KRI1: variants seen among roughly 807,000 people sequenced by gnomAD.
The protein encoded by KRI1 is KRI1 homolog.
A neutral mutation model predicts 97.0 loss-of-function variants in KRI1; 83 were observed. The ratio of observed to expected loss-of-function variants is 0.86; its 90% CI spans 0.72 to 1.03. The LOEUF is 1.03. KRI1 is among the 50% of genes least tolerant of loss of function. KRI1 has a pLI of 0.00. For missense variants in KRI1, 916 were observed against 928.4 expected (o/e 0.99, Z 0.17); for synonymous variants, 371 against 363.5 (o/e 1.02, Z -0.23).
At position 10,557,983 on chromosome 19, in the gene KRI1, G is replaced by A. The variant is rs1304964943; in HGVS notation, c.1348C>T (p.Pro450Ser). The A allele has an allele frequency of 1.2e-6, 2 of 1,613,936 alleles. No homozygotes were observed. Among genetic ancestry groups the A allele is most frequent in the African/African-American group, 1.3e-5 (1 of 74,906 alleles). ...WSQQELHCED[P>S]NFNMDADYDP... is the part of the protein sequence containing the mutation. ...CCCGTGATACCTACGTTGAAGTTGGGGTCCTCACAGTGCAGCTCCTGCTGG... is the reference window on the plus strand; with the variant it reads ...CCCGTGATACCTACGTTGAAGTTGGAGTCCTCACAGTGCAGCTCCTGCTGG... Residue 450 changes from proline to serine, a missense_variant, in exon 14 of 19, where the codon CCC becomes TCC. Around this residue, in one of 3 missense-constraint regions of KRI1, gnomAD observed 672 missense variants for 667.2 expected, o/e 1.01. Transcript: ENST00000312962.
chr19:10,559,325 T>C (rs1916615961), intron 12 of KRI1, 34 bp downstream of exon 12: 1 of 1,600,444 alleles, frequency 6.2e-7, no homozygotes, highest in Non-Finnish European at 8.5e-7. Context: ...TTGTGTGAAC[T>C]CAGCGTCATG....
At chr19:10,563,906 G>A (rs970220732) in intron 3 of KRI1, among the ~76,000 whole-genome samples, 6 of 152,026 alleles carry the variant, frequency 3.9e-5, no homozygotes, top group Non-Finnish European at 8.8e-5. Context: ...CACTTTGGGA[G>A]GCCAAGGCGG....
chr19:10,561,081 C>G lies in KRI1; in HGVS notation c.586-1G>C, dbSNP rs1916682675. The G allele has an allele frequency of 1.2e-6, 2 of 1,614,160 alleles. No homozygotes were observed. The highest frequency in any genetic ancestry group is 1.7e-5 in the Admixed American group (1 of 60,012). ...CGATGTAGTCGGCCTCCTCCTGGGC[C>G]TGGGGGAAAGCTAGCACTGAGCATC... On this transcript the variant is annotated splice_acceptor_variant, in intron 7 of 18. Transcript: ENST00000312962. LOFTEE classifies it high-confidence loss of function.
chr19:10,557,875 G>A lies in KRI1; in HGVS notation c.1380C>T (p.Pro460=), dbSNP rs201890509. 1.2e-6 allele frequency: 2 copies of A among 1,613,570 alleles called. No individual in the cohort carries two copies. Among genetic ancestry groups the A allele is most frequent in the East Asian group, 2.2e-5 (1 of 44,866 alleles). Residue 460 remains proline, a synonymous_variant, in exon 15 of 19, where the codon CCC becomes CCT. Coordinates refer to ENST00000312962, the MANE Select transcript of KRI1 (RefSeq NM_023008.5). ...CGCGCTTTTTCTTCCTCGGCTGGCT[G>A]GGGTCGTAGTCGGCGTCCATCTGCC... is the stretch of plus-strand genomic sequence containing the variant. The part of the protein sequence containing the change: ...PNFNMDADYD[P]SQPRKKKREA...
rs1916461452 is a variant in KRI1 at position 10,555,198 on chromosome 19, G to A, written c.1683-13C>T. The A allele has an allele frequency of 4.2e-6, 5 of 1,196,246 alleles. No homozygotes were observed. The East Asian group carries it at 1.2e-4, about 28-fold the overall frequency. 74.1% of individuals were successfully genotyped at this position (1,196,246 alleles called of 1,614,324 possible). Reference sequence around the variant, plus strand: ...CTCCTGCTCTGACCTGCAGACAGATGCCCCTGTGTTGGGTGCTCTGGGAAG... The same window carrying A: ...CTCCTGCTCTGACCTGCAGACAGATACCCCTGTGTTGGGTGCTCTGGGAAG... On this transcript the variant is annotated splice_polypyrimidine_tract_variant and intron_variant, in intron 17 of 18. Coordinates refer to ENST00000312962, the MANE Select transcript of KRI1 (RefSeq NM_023008.5).
At position 10,557,898 on chromosome 19, in the gene KRI1, G is replaced by C; in HGVS notation, c.1360-3C>G. 6 of 1,613,464 alleles carry C rather than the reference G, an allele frequency of 3.7e-6. No homozygotes were observed. Among genetic ancestry groups the C allele is most frequent in the Non-Finnish European group, 5.1e-6 (6 of 1,179,854 alleles). On this transcript the variant is annotated splice_region_variant and splice_polypyrimidine_tract_variant and intron_variant, in intron 14 of 18. Transcript: ENST00000312962. Reference sequence around the variant, plus strand: ...CTGGGGTCGTAGTCGGCGTCCATCTGCCAGGACGCACAGGTCAGATCCCAC... The same window carrying C: ...CTGGGGTCGTAGTCGGCGTCCATCTCCCAGGACGCACAGGTCAGATCCCAC...
chr19:10,557,541 G>A lies in KRI1; in HGVS notation c.1617+11C>T, dbSNP rs201666146. ...CCCCCTGCAGTGTCCCTGCCTGCCC[G>A]GGGCCCCTACCTCCTCAGTGCTGAG... On this transcript the variant is annotated intron_variant, in intron 16 of 18. Transcript: ENST00000312962. 1.7e-5 allele frequency: 28 copies of A among 1,610,852 alleles called. No homozygotes were observed. Among genetic ancestry groups the A allele is most frequent in the Admixed American group, 3.3e-5 (2 of 59,922 alleles).
Position 10,565,783 on chromosome 19 carries a change from A to T in KRI1, c.102T>A (p.Asp34Glu). The change falls in exon 2 of 19, where the codon GAT becomes GAA. Residue 34 changes from aspartate (D) to glutamate (E), a missense_variant. This residue lies in a region of KRI1 where 173 missense variants were observed against 153.1 expected (regional missense o/e 1.13). Coordinates refer to ENST00000312962, the MANE Select transcript of KRI1 (RefSeq NM_023008.5). ...REREELQRLK[D>E]RYGDRDSSSD... The stretch of plus-strand genomic sequence containing the variant: ...TGCTGCTGTCTCGGTCCCCGTAGCG[A>T]TCCTTCACTGCGGGACACAGACGGG... 6.4e-7 allele frequency: 1 copy of T among 1,572,350 alleles called. No homozygotes were observed. The highest frequency in any genetic ancestry group is 8.6e-7 in the Non-Finnish European group (1 of 1,160,560).
In KRI1 at chr19:10,562,711, T is replaced by C. The variant is rs755081216; in HGVS notation, c.383+18A>G. 3.6e-6 allele frequency: 5 copies of C among 1,381,884 alleles called. No individual in the cohort carries two copies. The highest frequency in any genetic ancestry group is 5.2e-6 in the Non-Finnish European group (5 of 967,992). 85.6% of individuals were successfully genotyped at this position (1,381,884 alleles called of 1,614,324 possible). On this transcript the variant is annotated intron_variant, in intron 4 of 18. Coordinates refer to ENST00000312962, the MANE Select transcript of KRI1 (RefSeq NM_023008.5). ...AGGGCTGGGAACCAGGGGGTGGGGA[T>C]GTAGGCCTTCTCCATACCCTGCCTT...
At position 10,555,365 on chromosome 19, in the gene KRI1, G is replaced by C; in HGVS notation, c.1618-16C>G. ...CAGCGAGGATCTGCGTGGGAAGGGA[G>C]AGTGGGGACCTGCTGTGATATTGCC... On this transcript the variant is annotated splice_polypyrimidine_tract_variant and intron_variant, in intron 16 of 18. Transcript: ENST00000312962. The C allele has an allele frequency of 6.2e-7, 1 of 1,614,032 alleles. No individual in the cohort carries two copies. Among genetic ancestry groups the C allele is most frequent in the Non-Finnish European group, 8.5e-7 (1 of 1,179,966 alleles).
In KRI1 at chr19:10,559,950, TGTG is replaced by T; in HGVS notation, c.801-17_801-15del. The T allele has an allele frequency of 6.2e-7, 1 of 1,608,260 alleles. No individual in the cohort carries two copies. The highest frequency in any genetic ancestry group is 8.5e-7 in the Non-Finnish European group (1 of 1,178,964). ...GGACCGTGGACCCTGAGGGGCAAGATGTGGTGATGCCAGGGGGCCAGCCAAGTG... is the reference window on the plus strand; with the variant it reads ...GGACCGTGGACCCTGAGGGGCAAGATGTGATGCCAGGGGGCCAGCCAAGTG... On this transcript the variant is annotated splice_polypyrimidine_tract_variant and intron_variant, in intron 9 of 18. Coordinates refer to ENST00000312962, the MANE Select transcript of KRI1 (RefSeq NM_023008.5).
intron 4 of KRI1, 29 bp from the exon 5 acceptor site, chr19:10,561,874 T>C (rs1916714192): frequency 1.9e-6 from 3 of 1,609,490 alleles, no homozygotes; most frequent in Non-Finnish European, 2.6e-6. Flanking sequence ...GTCTTCAGAA[T>C]ATATCTTCCA....
At chr19:10,562,200 C>T (rs994771978) in intron 4 of KRI1, among the ~76,000 whole-genome samples, 24 of 151,664 alleles carry the variant, frequency 1.6e-4, no homozygotes, top group African/African-American at 5.8e-4. Flanking sequence ...CAGGCGCCCA[C>T]CACCACATCT....
intron 10 of KRI1, 37 bp from the exon 11 acceptor site, chr19:10,559,745 G>A (rs769109959): frequency 6.2e-7 from 1 of 1,614,060 alleles, no homozygotes; most frequent in Admixed American, 1.7e-5. Context: ...GGGCCGCAGA[G>A]ATGATGTGGG....
chr19:10,554,974 G>C, intron 18 of KRI1, 113 bp downstream of exon 18: 1 of 819,634 alleles, frequency 1.2e-6, no homozygotes, highest in Non-Finnish European at 1.9e-6. Flanking sequence ...CCAGGTCTCA[G>C]AGCGGGGGGC....
chr19:10,561,013 A>G lies in KRI1; in HGVS notation c.653T>C (p.Leu218Pro). The G allele has an allele frequency of 1.2e-6, 2 of 1,613,286 alleles. No homozygotes were observed. The highest frequency in any genetic ancestry group is 1.7e-6 in the Non-Finnish European group (2 of 1,179,208). The part of the protein sequence containing the change: ...GQKEIRNPDS[L>P]KELTHLKEYW... ...TGCGTGAGAACTCACCAGTTCCTTC[A>G]GGGAATCTGGGTTCCGAATCTCTTT... is the stretch of plus-strand genomic sequence containing the variant. The change falls in exon 8 of 19, where the codon CTG becomes CCG. Residue 218 changes from leucine (L) to proline (P), a missense_variant. Coordinates refer to ENST00000312962, the MANE Select transcript of KRI1 (RefSeq NM_023008.5).
In KRI1 at chr19:10,560,324, T is replaced by A; in HGVS notation, c.788A>T (p.Glu263Val). ...TGCAGTGGCTCACCCCTCCTCTTCC[T>A]CCATTTCCTCTTCATCTTCCTCCTC... ...EEEEEDEEEM[E>V]EEEGVHGPPV... Residue 263 changes from glutamate to valine, a missense_variant, in exon 9 of 19, where the codon GAG (glutamate) becomes GTG (valine). Physicochemically the swap from Glu to Val is moderately radical, Grantham distance 121. This residue lies in a region of KRI1 where 672 missense variants were observed against 667.2 expected (regional missense o/e 1.01). Transcript: ENST00000312962. 1 of 1,610,186 alleles carries A rather than the reference T, an allele frequency of 6.2e-7. No homozygotes were observed.
intron 15 of KRI1, 22 bp downstream of exon 15, chr19:10,557,747 G>T (rs769866767): frequency 1.9e-6 from 3 of 1,613,388 alleles, no homozygotes; most frequent in South Asian, 1.1e-5. Flanking sequence ...GCCTACCCAC[G>T]GCCTGCCCAC....
intron 16 of KRI1, 111 bp downstream of exon 16, chr19:10,557,441 G>A (rs1472090188): frequency 3.4e-6 from 4 of 1,192,418 alleles, no homozygotes; most frequent in East Asian, 4.7e-5. Context: ...GAAACAGCCT[G>A]CCATGTTGTG....
Sources: allele counts gnomAD v4.1 joint callset (sites outside exome capture counted in the v4.1 genomes callset), GRCh38; gene constraint gnomAD v4.1.1; regional missense constraint gnomAD v4.1.1; transcripts MANE v1.5; gene names NCBI Gene and HGNC (gene_info 2026-07-23, HGNC 2026-07-21).